The following PRKX variants were observed in gnomAD, a reference collection of about 807,000 sequenced individuals.
PRKX encodes cAMP-dependent protein kinase catalytic subunit PRKX.
Under a neutral mutation model 22.0 loss-of-function variants are expected in PRKX, and 12 were observed. That is an observed-to-expected ratio of 0.54 (90% confidence interval 0.35 to 0.88). The LOEUF (loss-of-function observed/expected upper bound fraction) is 0.88, where lower values mean the gene tolerates loss of function less well. Among genes scored for constraint, PRKX ranks in the 40% least tolerant of loss-of-function variants. The probability of loss-of-function intolerance (pLI) is 0.01; values close to 1 mark genes in which losing one functional copy is unlikely to be tolerated. For missense variants in PRKX, 217 were observed against 308.0 expected (o/e 0.70, Z 2.21); for synonymous variants, 134 against 137.7 (o/e 0.97, Z 0.19).
intron 3 of PRKX, among the ~76,000 whole-genome samples, chrX:3,644,692 C>T (rs763773395): frequency 1.3e-4 from 14 of 111,860 alleles, no homozygotes; most frequent in Non-Finnish European, 2.3e-4. Context: ...TCCAAGTACA[C>T]CCTGGCTGCT....
intron 4 of PRKX, among the ~76,000 whole-genome samples, chrX:3,638,648 A>G (rs1360420692): frequency 3.6e-5 from 4 of 111,889 alleles, no homozygotes; most frequent in African/African-American, 1.3e-4. Flanking sequence ...GTAATGGAAA[A>G]TTCAAAAGAC....
At chrX:3,703,709 C>T (rs1166985552) in intron 1 of PRKX, among the ~76,000 whole-genome samples, 7 of 82,328 alleles carry the variant, frequency 8.5e-5, no homozygotes, top group African/African-American at 3.3e-4. Flanking sequence ...CTCACTCTAT[C>T]ACCCCAGGTT....
chrX:3,713,068 C>G lies in PRKX; in HGVS notation c.166+20G>C, dbSNP rs1336599111. 21 of 1,153,755 alleles carry G rather than the reference C, an allele frequency of 1.8e-5. No individual in the cohort carries two copies. The highest frequency in any genetic ancestry group is 2.6e-5 in the Admixed American group (1 of 38,302). On this transcript the variant is annotated intron_variant, in intron 1 of 8. Coordinates refer to ENST00000262848, the MANE Select transcript of PRKX (RefSeq NM_005044.5). ...CGCCGCGCGCCCCTGTGGGCCGAGTCCCCGCCCGCACTCACTCACCCACGG... is the reference window on the plus strand; with the variant it reads ...CGCCGCGCGCCCCTGTGGGCCGAGTGCCCGCCCGCACTCACTCACCCACGG...
In PRKX at chrX:3,713,245, C is replaced by G; in HGVS notation, c.9G>C (p.Ala3=). ...CCGCGGCCGCCTGGGCCAGCCCGGGCGCCTCCATGGGGACGCACTCAGGTC... is the reference window on the plus strand; with the variant it reads ...CCGCGGCCGCCTGGGCCAGCCCGGGGGCCTCCATGGGGACGCACTCAGGTC... The part of the protein sequence containing the change: ME[A]PGLAQAAAAE... The change falls in exon 1 of 9, where the codon GCG becomes GCC. Residue 3 remains alanine (A), a synonymous_variant. Coordinates refer to ENST00000262848, the MANE Select transcript of PRKX (RefSeq NM_005044.5). The G allele has an allele frequency of 9.5e-7, 1 of 1,047,743 alleles. No homozygotes were observed. The highest frequency in any genetic ancestry group is 1.2e-6 in the Non-Finnish European group (1 of 825,941). 86.3% of individuals were successfully genotyped at this position (1,047,743 alleles called of 1,213,427 possible).
intron 3 of PRKX, among the ~76,000 whole-genome samples, chrX:3,648,229 C>G (rs1228170957): frequency 9.0e-6 from 1 of 111,286 alleles, no homozygotes; most frequent in Non-Finnish European, 1.9e-5. Flanking sequence ...TACAAATATC[C>G]AGCTCTGCTA....
At chrX:3,676,151 G>A (rs1446956734) in intron 1 of PRKX, among the ~76,000 whole-genome samples, 1 of 111,574 alleles carries the variant, frequency 9.0e-6, no homozygotes, top group Middle Eastern at 4.6e-3. Flanking sequence ...TTTAAACAAC[G>A]CATTCACAGC....
At chrX:3,627,744 G>A (rs1471851287) in intron 4 of PRKX, among the ~76,000 whole-genome samples, 2 of 111,044 alleles carry the variant, frequency 1.8e-5, no homozygotes, top group Non-Finnish European at 3.8e-5. Context: ...GATTACCAGC[G>A]TGAGCCACTG....
chrX:3,705,520 G>C (rs773175052), intron 1 of PRKX, among the ~76,000 whole-genome samples: 3 of 111,097 alleles, frequency 2.7e-5, no homozygotes, highest in South Asian at 7.6e-4. Flanking sequence ...GAGGGAACCC[G>C]TCACACAGAA....
intron 1 of PRKX, among the ~76,000 whole-genome samples, chrX:3,711,168 C>G (rs1227568372): frequency 9.0e-6 from 1 of 110,757 alleles, no homozygotes; most frequent in East Asian, 2.8e-4. Flanking sequence ...CAAACATACA[C>G]ACACACACCC....
Position 3,607,266 on chromosome X carries a change from G to A in PRKX, c.*1703C>T, listed in dbSNP as rs917817969. 1 of 111,800 alleles carries A rather than the reference G, an allele frequency of 8.9e-6. No individual in the cohort carries two copies. Among genetic ancestry groups the A allele is most frequent in the African/African-American group, 3.3e-5 (1 of 30,691 alleles). The allele number at this position is 111,800 out of a possible 1,213,427, so 9.2% of individuals were successfully genotyped here. A position where few individuals can be genotyped will look rare whatever the true frequency, so the allele number is the denominator to read the frequency against. ...GTGTAACCTTTTCTTAAAAAAATATGGAATGCTGCATGAATCTGCAGATCT... is the reference window on the plus strand; with the variant it reads ...GTGTAACCTTTTCTTAAAAAAATATAGAATGCTGCATGAATCTGCAGATCT... On this transcript the variant is annotated 3_prime_UTR_variant, in exon 9 of 9. Transcript: ENST00000262848.
chrX:3,683,865 C>A, intron 1 of PRKX, among the ~76,000 whole-genome samples: 1 of 108,149 alleles, frequency 9.2e-6, no homozygotes, highest in Non-Finnish European at 1.9e-5. Context: ...ACAACAAAAA[C>A]AAATAGGAAA....
chrX:3,631,347 C>G (rs1487559680), intron 4 of PRKX, among the ~76,000 whole-genome samples: 1 of 112,497 alleles, frequency 8.9e-6, no homozygotes, highest in Non-Finnish European at 1.9e-5. Flanking sequence ...GACAGGTATC[C>G]TCATAAGAGA....
intron 1 of PRKX, among the ~76,000 whole-genome samples, chrX:3,683,109 G>A (rs1321895593): frequency 4.5e-5 from 5 of 112,311 alleles, no homozygotes; most frequent in African/African-American, 6.5e-5. Flanking sequence ...CAGCCCTGCC[G>A]CATCTGCACT....
At chrX:3,648,075 A>G (rs1398033623) in intron 3 of PRKX, among the ~76,000 whole-genome samples, 2 of 111,979 alleles carry the variant, frequency 1.8e-5, no homozygotes, top group Non-Finnish European at 3.8e-5. Flanking sequence ...TCAAGGCCAA[A>G]TAATATTCCA....
intron 2 of PRKX, among the ~76,000 whole-genome samples, chrX:3,660,317 T>C (rs1927568679): frequency 8.9e-6 from 1 of 112,143 alleles, no homozygotes; most frequent in African/African-American, 3.2e-5. Flanking sequence ...CAAGGTGTGA[T>C]ACTGAACATT....
In PRKX at chrX:3,621,184, A is replaced by G. The variant is rs1419740791; in HGVS notation, c.873+75T>C. ...CCGCTAAGCCTTGGTTTATACCTGC[A>G]CATGCCAATGTGGGTGTTAGACGGC... is the stretch of plus-strand genomic sequence containing the variant. On this transcript the variant is annotated intron_variant, in intron 6 of 8. Coordinates refer to ENST00000262848, the MANE Select transcript of PRKX (RefSeq NM_005044.5). 3.2e-6 allele frequency: 3 copies of G among 934,071 alleles called. No homozygotes were observed. The African/African-American group carries it at 5.8e-5, about 18-fold the overall frequency. 77.0% of individuals were successfully genotyped at this position (934,071 alleles called of 1,213,427 possible).
At chrX:3,708,041 C>T (rs1458192875) in intron 1 of PRKX, among the ~76,000 whole-genome samples, 1 of 111,838 alleles carries the variant, frequency 8.9e-6, no homozygotes, top group Non-Finnish European at 1.9e-5. Context: ...ATGTCTGTGT[C>T]CCCCTAAAAT....
intron 1 of PRKX, among the ~76,000 whole-genome samples, chrX:3,700,114 T>G (rs1205891386): frequency 1.8e-5 from 2 of 112,163 alleles, no homozygotes; most frequent in Admixed American, 9.5e-5. Flanking sequence ...CGGTGACCTT[T>G]GAAGGTCAAA....
chrX:3,653,644 ATATAT>A (rs776624415), intron 3 of PRKX, among the ~76,000 whole-genome samples: 38 of 70,585 alleles, frequency 5.4e-4, no homozygotes, highest in African/African-American at 1.6e-3. Context: ...TATGTAATAT[ATATAT>A]TATATATAAT....
Sources: allele counts gnomAD v4.1 joint callset (sites outside exome capture counted in the v4.1 genomes callset), GRCh38; gene constraint gnomAD v4.1.1; transcripts MANE v1.5; gene names NCBI Gene and HGNC (gene_info 2026-07-23, HGNC 2026-07-21).